ATP5F1C: variants seen among roughly 807,000 people sequenced by gnomAD.
ATP5F1C encodes ATP synthase F1 subunit gamma.
In ATP5F1C, 22 loss-of-function variants were observed where a neutral mutation model predicts 37.4. The ratio of observed to expected loss-of-function variants is 0.59; its 90% CI spans 0.42 to 0.84. The LOEUF is 0.84. ATP5F1C is among the 40% of genes least tolerant of loss of function. The probability of loss-of-function intolerance (pLI) is 0.00; values close to 1 mark genes in which losing one functional copy is unlikely to be tolerated. For synonymous variants in ATP5F1C, 121 were observed against 128.0 expected (o/e 0.95, Z 0.37); for missense variants, 286 against 362.4 (o/e 0.79, Z 1.71).
At chr10:7,788,315 G>A (rs772778235) in intron 1 of ATP5F1C, 52 bp downstream of exon 1, 1 of 1,599,918 alleles carries the variant, frequency 6.3e-7, no homozygotes, top group Non-Finnish European at 8.5e-7. Flanking sequence ...GGAAGAGCTT[G>A]GGCACGGGGC....
At chr10:7,805,474 G>A (rs1045873005) in intron 8 of ATP5F1C, among the ~76,000 whole-genome samples, 8 of 152,262 alleles carry the variant, frequency 5.3e-5, no homozygotes, top group East Asian at 3.9e-4. Context: ...CTGGCCGGGC[G>A]CAGGGGCTGA....
chr10:7,794,500 G>GTT lies in ATP5F1C; in HGVS notation c.57-1608_57-1607dup, dbSNP rs56239627. Among the ~76,000 whole-genome samples the GTT allele has an allele frequency of 3.5e-3, 518 of 146,630 alleles. 2 individuals are homozygous for GTT. The highest frequency in any genetic ancestry group is 5.9e-3 in the Admixed American group (87 of 14,788). The stretch of plus-strand genomic sequence containing the variant: ...CATTAAATCAGAGATTTTGTGTGTT[G>GTT]TTTTTTTTTTTTTTAGCAGGTTGAG... On this transcript the variant is annotated intron_variant, in intron 1 of 9. Coordinates refer to ENST00000356708, the MANE Select transcript of ATP5F1C (RefSeq NM_001001973.3).
At chr10:7,791,225 G>A (rs545061795) in intron 1 of ATP5F1C, among the ~76,000 whole-genome samples, 57 of 152,054 alleles carry the variant, frequency 3.7e-4, no homozygotes, top group African/African-American at 1.3e-3. Flanking sequence ...GCTTGAACCC[G>A]GGAGGCGGAG....
At chr10:7,800,194 T>C in intron 6 of ATP5F1C, 103 bp downstream of exon 6, 2 of 1,207,654 alleles carry the variant, frequency 1.7e-6, no homozygotes, top group Non-Finnish European at 2.4e-6. Context: ...CTATAGCAAA[T>C]GATTTGGGGC....
At chr10:7,797,338 C>T (rs1462918164) in intron 3 of ATP5F1C, among the ~76,000 whole-genome samples, 160 bp downstream of exon 3, 1 of 152,158 alleles carries the variant, frequency 6.6e-6, no homozygotes, top group South Asian at 2.1e-4. Flanking sequence ...ATGATAACAA[C>T]CCGTGTAGGT....
At chr10:7,805,746 CAAAAAAAAAAA>C (rs547312025) in intron 8 of ATP5F1C, among the ~76,000 whole-genome samples, 6 of 89,848 alleles carry the variant, frequency 6.7e-5, no homozygotes, top group East Asian at 6.5e-4. Context: ...GACTCCTTCT[CAAAAAAAAAAA>C]AAAAAAAAAA....
At position 7,802,290 on chromosome 10, in the gene ATP5F1C, G is replaced by A. The variant is rs763579478; in HGVS notation, c.658G>A (p.Asp220Asn). ...ASADSMSIYD[D>N]IDADVLQNYQ... ...AACAGACAGCATGAGTATCTATGAC[G>A]ATATTGATGCTGACGTGCTGCAAAA... The change falls in exon 7 of 10, where the codon GAT becomes AAT. Residue 220 changes from aspartate to asparagine, a missense_variant. Asp to Asn is a conservative substitution (Grantham distance 23). Coordinates refer to ENST00000356708, the MANE Select transcript of ATP5F1C (RefSeq NM_001001973.3). 16 of 1,612,236 alleles carry A rather than the reference G, an allele frequency of 9.9e-6. No homozygotes were observed. The highest frequency in any genetic ancestry group is 8.4e-5 in the Admixed American group (5 of 59,466).
At chr10:7,788,780 G>A (rs1385565368) in intron 1 of ATP5F1C, among the ~76,000 whole-genome samples, 1 of 151,932 alleles carries the variant, frequency 6.6e-6, no homozygotes, top group African/African-American at 2.4e-5. Context: ...AGCACCTCCC[G>A]TGTTGCAGAC....
intron 8 of ATP5F1C, among the ~76,000 whole-genome samples, chr10:7,806,465 G>A (rs1339289104): frequency 6.6e-6 from 1 of 152,068 alleles, no homozygotes; most frequent in African/African-American, 2.4e-5. Flanking sequence ...GACCAGCCTG[G>A]CCAACATGGC....
chr10:7,805,746 CAAAAAAAAAAAAAA>C (rs547312025), intron 8 of ATP5F1C, among the ~76,000 whole-genome samples: 4 of 89,888 alleles, frequency 4.4e-5, no homozygotes, highest in African/African-American at 1.7e-4. Flanking sequence ...GACTCCTTCT[CAAAAAAAAAAAAAA>C]AAAAAAAAAG....
chr10:7,804,441 C>T (rs948873989), intron 8 of ATP5F1C, among the ~76,000 whole-genome samples: 5 of 152,186 alleles, frequency 3.3e-5, no homozygotes, highest in East Asian at 3.9e-4. Context: ...CTCTTTCTCG[C>T]GGCCAGGGAG....
intron 4 of ATP5F1C, 74 bp downstream of exon 4, chr10:7,799,268 A>G (rs1319303091): frequency 7.2e-7 from 1 of 1,379,490 alleles, no homozygotes; most frequent in Admixed American, 1.9e-5. Flanking sequence ...AGTTTTGACA[A>G]ACTCTCAAAA....
chr10:7,799,394 CCT>C (rs1554773311), intron 4 of ATP5F1C, 200 bp downstream of exon 4: 6 of 582,606 alleles, frequency 1.0e-5, no homozygotes, highest in South Asian at 6.4e-5. Context: ...TTTTCCTTCC[CCT>C]GTTTTCTACC....
Position 7,807,790 on chromosome 10 carries a change from C to G in ATP5F1C, c.*162C>G. 1 of 1,041,618 alleles carries G rather than the reference C, an allele frequency of 9.6e-7. No homozygotes were observed. The highest frequency in any genetic ancestry group is 2.7e-5 in the East Asian group (1 of 37,450). 64.5% of individuals were successfully genotyped at this position (1,041,618 alleles called of 1,614,324 possible). A position where few individuals can be genotyped will look rare whatever the true frequency, so the allele number is the denominator to read the frequency against. The stretch of plus-strand genomic sequence containing the variant: ...TTGTAAATTATCTTAAAATAAACAA[C>G]TTAAAATAAAATCATTGTTTTTCTT... On this transcript the variant is annotated 3_prime_UTR_variant, in exon 10 of 10. Transcript: ENST00000356708.
At position 7,799,922 on chromosome 10, in the gene ATP5F1C, CAGATTT is replaced by C. The variant is rs748965419; in HGVS notation, c.572+11_572+16del. On this transcript the variant is annotated splice_region_variant and intron_variant, in intron 5 of 9. Coordinates refer to ENST00000356708, the MANE Select transcript of ATP5F1C (RefSeq NM_001001973.3). ...TCATCTTTAATAAATTCAGGCAAGA[CAGATTT>C]AGAAATCAAAGCTTTTTTATGTTCA... 3 of 1,609,598 alleles carry C rather than the reference CAGATTT, an allele frequency of 1.9e-6. No individual in the cohort carries two copies. Among genetic ancestry groups the C allele is most frequent in the Admixed American group, 1.7e-5 (1 of 59,088 alleles).
chr10:7,789,847 A>T lies in ATP5F1C; in HGVS notation c.56+1584A>T, dbSNP rs12766427. ...CTTTTTTTAAAGCACCTGTAAGATA[A>T]TTTGAAGCTCTTTTAGTGAAGGATT... On this transcript the variant is annotated intron_variant, in intron 1 of 9. Coordinates refer to ENST00000356708, the MANE Select transcript of ATP5F1C (RefSeq NM_001001973.3). Among the ~76,000 whole-genome samples the T allele has an allele frequency of 6.0e-3, 907 of 152,376 alleles. 8 individuals carry two copies. Among genetic ancestry groups the T allele is most frequent in the South Asian group, 0.024 (114 of 4,834 alleles).
intron 8 of ATP5F1C, among the ~76,000 whole-genome samples, chr10:7,806,589 G>T (rs1403446114): frequency 6.6e-6 from 1 of 151,894 alleles, no homozygotes; most frequent in Non-Finnish European, 1.5e-5. Flanking sequence ...CCCAGGAGGA[G>T]GTTGCAGTGA....
chr10:7,789,901 C>T (rs1446279670), intron 1 of ATP5F1C, among the ~76,000 whole-genome samples: 2 of 152,214 alleles, frequency 1.3e-5, no homozygotes, highest in Non-Finnish European at 2.9e-5. Context: ...CAGTTCAAGA[C>T]AACTACTGTT....
rs563466328 is a variant in ATP5F1C, at chr10:7,800,496, T to A, written c.637+405T>A. 6.1e-4 allele frequency among the ~76,000 whole-genome samples: 85 copies of A among 139,838 alleles called. No individual in the cohort carries two copies. The South Asian group carries it at 6.3e-3, about 10-fold the overall frequency. 91.7% of individuals were successfully genotyped at this position (139,838 alleles called of 152,430 possible). A position where few individuals can be genotyped will look rare whatever the true frequency, so the allele number is the denominator to read the frequency against. On this transcript the variant is annotated intron_variant, in intron 6 of 9. Coordinates refer to ENST00000356708, the MANE Select transcript of ATP5F1C (RefSeq NM_001001973.3). ...AGGCATGAGCCCAGCCTTTTATTTTTTTATTTTTTATTTTTTGAGACGGAG... is the reference window on the plus strand; with the variant it reads ...AGGCATGAGCCCAGCCTTTTATTTTATTATTTTTTATTTTTTGAGACGGAG...
Sources: allele counts gnomAD v4.1 joint callset (sites outside exome capture counted in the v4.1 genomes callset), GRCh38; gene constraint gnomAD v4.1.1; transcripts MANE v1.5; gene names NCBI Gene and HGNC (gene_info 2026-07-23, HGNC 2026-07-21).